Variants in CBLN2 observed in about 807,000 individuals in gnomAD.
CBLN2 encodes cerebellin-2.
Under a neutral mutation model 15.0 loss-of-function variants are expected in CBLN2, and 7 were observed. That is an observed-to-expected ratio of 0.47 (90% confidence interval 0.27 to 0.88). CBLN2 has a LOEUF of 0.88. Ranked by LOEUF, CBLN2 falls within the 40% of genes least tolerant of loss-of-function variation. CBLN2 has a pLI of 0.14. For missense variants in CBLN2, 242 were observed against 304.5 expected, an observed-to-expected ratio of 0.79 and a Z score of 1.53; for synonymous variants, 149 against 135.2, an observed-to-expected ratio of 1.10 and a Z score of -0.71.
At chr18:72,600,378 A>C (rs573022752) in intron 1 of CBLN2, among the ~76,000 whole-genome samples, 2 of 152,296 alleles carry the variant, frequency 1.3e-5, no homozygotes, top group South Asian at 4.1e-4. Context: ...CAGTGAAGAC[A>C]GTCAGGGGAA....
chr18:72,611,536 T>G (rs2069622470), intron 1 of CBLN2, among the ~76,000 whole-genome samples: 1 of 152,222 alleles, frequency 6.6e-6, no homozygotes, highest in Admixed American at 6.5e-5. Flanking sequence ...GCTGCTCATA[T>G]GTCTTCTTTT....
At chr18:72,585,702 C>T (rs139035996) in intron 1 of CBLN2, among the ~76,000 whole-genome samples, 4 of 152,310 alleles carry the variant, frequency 2.6e-5, no homozygotes, top group Non-Finnish European at 5.9e-5. Flanking sequence ...ACCCAGAAGC[C>T]TGTCTGCCTC....
chr18:72,613,857 G>A (rs1005036897), intron 1 of CBLN2, among the ~76,000 whole-genome samples: 3 of 152,130 alleles, frequency 2.0e-5, no homozygotes, highest in African/African-American at 2.4e-5. Flanking sequence ...CCTGTACACC[G>A]TTGCCTTTCA....
At chr18:72,614,964 G>T (rs1767710135) in intron 1 of CBLN2, among the ~76,000 whole-genome samples, 2 of 147,458 alleles carry the variant, frequency 1.4e-5, no homozygotes, top group South Asian at 4.2e-4. Flanking sequence ...ATTGGCCTGA[G>T]CTTGACAATG....
intron 1 of CBLN2, among the ~76,000 whole-genome samples, chr18:72,612,992 C>G (rs189999540): frequency 6.6e-6 from 1 of 152,130 alleles, no homozygotes; most frequent in Non-Finnish European, 1.5e-5. Flanking sequence ...GGCCTTGCCC[C>G]GCAGATTCTG....
At chr18:72,566,361 A>G (rs769965323) in intron 1 of CBLN2, among the ~76,000 whole-genome samples, 1 of 152,172 alleles carries the variant, frequency 6.6e-6, no homozygotes, top group South Asian at 2.1e-4. Context: ...AGACATTTGC[A>G]CTCTCATGTT....
chr18:72,582,530 G>A (rs2069413022), intron 1 of CBLN2, among the ~76,000 whole-genome samples: 1 of 152,180 alleles, frequency 6.6e-6, no homozygotes, highest in Admixed American at 6.5e-5. Flanking sequence ...AGATGTGAAG[G>A]AGCTTTTTCC....
intron 1 of CBLN2, among the ~76,000 whole-genome samples, chr18:72,610,149 T>A (rs182724435): frequency 3.9e-4 from 59 of 152,264 alleles, no homozygotes. Flanking sequence ...GTAGACTGTA[T>A]TTATGGCTTT....
At position 72,560,790 on chromosome 18, in the gene CBLN2, C is replaced by T. The variant is rs564447745; in HGVS notation, c.16-22018G>A. On this transcript the variant is annotated intron_variant, in intron 1 of 2. Transcript: ENST00000581073. ...TTGGGAGGCCGAGGTGGGCGGATCA[C>T]GAGGTCAGGAGATCGAGACCATCCT... 1.2e-3 allele frequency among the ~76,000 whole-genome samples: 175 copies of T among 152,124 alleles called. 1 individual carries two copies. Among genetic ancestry groups the T allele is most frequent in the Non-Finnish European group, 1.4e-3 (92 of 67,990 alleles).
chr18:72,633,392 C>T (rs1215709529), intron 1 of CBLN2, among the ~76,000 whole-genome samples: 1 of 152,152 alleles, frequency 6.6e-6, no homozygotes, highest in Non-Finnish European at 1.5e-5. Context: ...TTTCCCAAGA[C>T]ACGGCTACAT....
At chr18:72,592,361 C>A (rs904066242) in intron 1 of CBLN2, among the ~76,000 whole-genome samples, 6 of 151,756 alleles carry the variant, frequency 4.0e-5, no homozygotes, top group Non-Finnish European at 8.8e-5. Flanking sequence ...GCATTTCTCC[C>A]TATTGAGTTG....
At chr18:72,578,699 T>A (rs1321702740) in intron 1 of CBLN2, among the ~76,000 whole-genome samples, 2 of 152,224 alleles carry the variant, frequency 1.3e-5, no homozygotes, top group African/African-American at 4.8e-5. Context: ...TACGCAGTAA[T>A]GTGGAAAGAA....
intron 1 of CBLN2, among the ~76,000 whole-genome samples, chr18:72,564,911 A>C (rs2069284567): frequency 6.6e-6 from 1 of 152,172 alleles, no homozygotes; most frequent in African/African-American, 2.4e-5. Context: ...CAAAAGAAAA[A>C]CACTAAGTCA....
At chr18:72,623,020 T>A (rs1034920766) in intron 1 of CBLN2, among the ~76,000 whole-genome samples, 17 of 152,152 alleles carry the variant, frequency 1.1e-4, no homozygotes, top group African/African-American at 3.9e-4. Flanking sequence ...TGTACAGGCA[T>A]GGCTGGGGAA....
At chr18:72,567,165 C>G (rs2069300536) in intron 1 of CBLN2, among the ~76,000 whole-genome samples, 2 of 152,166 alleles carry the variant, frequency 1.3e-5, no homozygotes. Context: ...GCTGATTATG[C>G]TGATTTGATC....
At chr18:72,587,748 C>T (rs2069453318) in intron 1 of CBLN2, among the ~76,000 whole-genome samples, 1 of 152,098 alleles carries the variant, frequency 6.6e-6, no homozygotes, top group South Asian at 2.1e-4. Flanking sequence ...GCTCAATGAC[C>T]ATGTGCAATA....
intron 1 of CBLN2, chr18:72,552,547 CAG>C (rs1177500723): frequency 6.6e-6 from 1 of 152,038 alleles, no homozygotes; most frequent in Admixed American, 6.6e-5. Context: ...ATCTTGGTAA[CAG>C]AAAAATAAAA....
chr18:72,567,547 T>C (rs1426594269), intron 1 of CBLN2, among the ~76,000 whole-genome samples: 1 of 152,204 alleles, frequency 6.6e-6, no homozygotes, highest in Non-Finnish European at 1.5e-5. Flanking sequence ...CAAACGCACA[T>C]GAAATGTAAA....
intron 1 of CBLN2, among the ~76,000 whole-genome samples, chr18:72,584,872 C>T (rs907238918): frequency 5.9e-5 from 9 of 152,186 alleles, no homozygotes; most frequent in African/African-American, 2.2e-4. Flanking sequence ...CTCATTCTAC[C>T]CACTAGGCCT....
Sources: gnomAD v4.1 joint callset for allele counts (sites outside exome capture counted in the v4.1 genomes callset) on GRCh38, gnomAD v4.1.1 for gene constraint, MANE v1.5 for transcripts, NCBI Gene and HGNC (gene_info 2026-07-23, HGNC 2026-07-21) for gene names.